Variants in DLG2 observed in about 807,000 individuals in gnomAD.
The protein encoded by DLG2 is discs large MAGUK scaffold protein 2, also known as disks large homolog 2.
A neutral mutation model predicts 132.5 loss-of-function variants in DLG2; 45 were observed. That is an observed-to-expected ratio of 0.34 (90% confidence interval 0.27 to 0.44). DLG2 has a LOEUF of 0.44. Among genes scored for constraint, DLG2 ranks in the 20% least tolerant of loss-of-function variants. The pLI is 1.00. For synonymous variants in DLG2, 424 were observed against 419.6 expected (o/e 1.01, Z -0.13); for missense variants, 1,045 against 1,196.9 (o/e 0.87, Z 1.87).
intron 4 of DLG2, among the ~76,000 whole-genome samples, chr11:85,167,136 A>C (rs981025854): frequency 2.6e-5 from 4 of 152,170 alleles, no homozygotes; most frequent in African/African-American, 9.7e-5. Context: ...AACTCTAAAA[A>C]TATATGTTAA....
At chr11:84,631,374 C>T (rs950713014) in intron 6 of DLG2, among the ~76,000 whole-genome samples, 1 of 152,062 alleles carries the variant, frequency 6.6e-6, no homozygotes, top group Non-Finnish European at 1.5e-5. Context: ...ATAAAATTTT[C>T]TGACCCTATC....
intron 6 of DLG2, among the ~76,000 whole-genome samples, chr11:84,952,036 C>G (rs1421941113): frequency 1.3e-5 from 2 of 152,156 alleles, no homozygotes; most frequent in Non-Finnish European, 2.9e-5. Context: ...AGGTGGTAAC[C>G]TTAAAAAGCT....
intron 18 of DLG2, among the ~76,000 whole-genome samples, chr11:83,753,851 A>T (rs1247889312): frequency 1.1e-4 from 1 of 9,272 alleles, no homozygotes; most frequent in Non-Finnish European, 1.7e-4. Flanking sequence ...TATCATATAT[A>T]TCATATATAT....
intron 6 of DLG2, among the ~76,000 whole-genome samples, chr11:84,733,367 T>C (rs1596809333): frequency 2.0e-5 from 3 of 152,304 alleles, no homozygotes; most frequent in East Asian, 1.9e-4. Context: ...ATTGTGGTTT[T>C]GATTTGCATT....
chr11:84,501,692 C>A (rs917299739), intron 7 of DLG2, among the ~76,000 whole-genome samples: 17 of 151,974 alleles, frequency 1.1e-4, no homozygotes, highest in African/African-American at 4.1e-4. Context: ...CAGTACAATG[C>A]AAATATAAAG....
intron 7 of DLG2, among the ~76,000 whole-genome samples, chr11:84,527,356 A>G (rs916887248): frequency 6.6e-6 from 1 of 152,182 alleles, no homozygotes; most frequent in Non-Finnish European, 1.5e-5. Context: ...TAGTATAAAA[A>G]TACACATTGT....
At chr11:83,789,450 T>C (rs2040908415) in intron 17 of DLG2, among the ~76,000 whole-genome samples, 1 of 152,148 alleles carries the variant, frequency 6.6e-6, no homozygotes, top group South Asian at 2.1e-4. Flanking sequence ...TGAGGAAAGG[T>C]AATTCACACT....
rs80184957 is a variant in DLG2, at chr11:83,747,232, C to T, written c.1825+39458G>A. ...TTTGGTAGAATAACATAAGCAATTACATTAAATTAATATTGTAAGTTTGAT... is the reference window on the plus strand; with the variant it reads ...TTTGGTAGAATAACATAAGCAATTATATTAAATTAATATTGTAAGTTTGAT... On this transcript the variant is annotated intron_variant, in intron 18 of 27. Coordinates refer to ENST00000376104, the MANE Select transcript of DLG2 (RefSeq NM_001142699.3). Among the ~76,000 whole-genome samples, 923 of 152,132 alleles carry T rather than the reference C, an allele frequency of 6.1e-3. 7 individuals carry two copies. The highest frequency in any genetic ancestry group is 0.021 in the African/African-American group (872 of 41,482).
chr11:85,579,569 AC>A (rs564541153), intron 3 of DLG2, among the ~76,000 whole-genome samples: 21 of 152,288 alleles, frequency 1.4e-4, no homozygotes, highest in African/African-American at 4.8e-4. Flanking sequence ...GGTCTCTATA[AC>A]CTTGATAAGT....
chr11:85,247,741 A>G (rs1407602321), intron 4 of DLG2, among the ~76,000 whole-genome samples: 2 of 152,002 alleles, frequency 1.3e-5, no homozygotes, highest in African/African-American at 4.8e-5. Context: ...GACTTCAACA[A>G]AGAGACTGAA....
intron 6 of DLG2, among the ~76,000 whole-genome samples, chr11:84,712,884 G>A (rs564832481): frequency 2.0e-5 from 3 of 152,078 alleles, no homozygotes; most frequent in Non-Finnish European, 2.9e-5. Flanking sequence ...GAATAACATT[G>A]AGTTCGAAAC....
At chr11:83,462,313 T>C (rs891517441) in intron 26 of DLG2, among the ~76,000 whole-genome samples, 2 of 152,112 alleles carry the variant, frequency 1.3e-5, no homozygotes, top group Non-Finnish European at 2.9e-5. Flanking sequence ...TGGTCCCACA[T>C]TGGATTGAAG....
intron 7 of DLG2, among the ~76,000 whole-genome samples, chr11:84,533,235 G>C (rs1263337820): frequency 6.6e-6 from 1 of 152,208 alleles, no homozygotes; most frequent in South Asian, 2.1e-4. Flanking sequence ...GTTATGCACA[G>C]TGGATCTGCT....
chr11:83,572,921 T>C (rs1241278712), intron 19 of DLG2, among the ~76,000 whole-genome samples: 1 of 152,200 alleles, frequency 6.6e-6, no homozygotes, highest in Non-Finnish European at 1.5e-5. Flanking sequence ...TCTTCTAATT[T>C]CAAAAGACTA....
intron 26 of DLG2, among the ~76,000 whole-genome samples, chr11:83,466,035 C>A (rs1370763405): frequency 6.6e-6 from 1 of 152,034 alleles, no homozygotes; most frequent in Non-Finnish European, 1.5e-5. Flanking sequence ...TTTCACAAGT[C>A]CTTTGGAGGG....
intron 11 of DLG2, among the ~76,000 whole-genome samples, chr11:84,036,252 A>G (rs529585874): frequency 6.6e-6 from 1 of 152,268 alleles, no homozygotes; most frequent in Non-Finnish European, 1.5e-5. Context: ...TTCCTTATCT[A>G]AACTTATCTA....
intron 3 of DLG2, among the ~76,000 whole-genome samples, chr11:85,550,376 G>A (rs191035594): frequency 9.2e-5 from 14 of 152,330 alleles, no homozygotes; most frequent in East Asian, 1.9e-4. Context: ...ACGCTGCCAC[G>A]GGGCCTGCAT....
intron 4 of DLG2, among the ~76,000 whole-genome samples, chr11:85,202,455 T>C (rs1308974006): frequency 6.6e-6 from 1 of 152,144 alleles, no homozygotes; most frequent in East Asian, 1.9e-4. Context: ...TTAGGGACTT[T>C]AGCACCCTAT....
At chr11:84,691,639 T>C (rs2058055784) in intron 6 of DLG2, among the ~76,000 whole-genome samples, 1 of 151,712 alleles carries the variant, frequency 6.6e-6, no homozygotes, top group African/African-American at 2.4e-5. Context: ...TTCTATATTG[T>C]TATTAATTCA....
Sources: allele counts gnomAD v4.1 joint callset (sites outside exome capture counted in the v4.1 genomes callset), GRCh38; gene constraint gnomAD v4.1.1; transcripts MANE v1.5; gene names NCBI Gene and HGNC (gene_info 2026-07-23, HGNC 2026-07-21).